LRRC4: variants seen among roughly 807,000 people sequenced by gnomAD.
LRRC4 encodes leucine rich repeat containing 4, also known as leucine-rich repeat-containing protein 4.
LRRC4 carries 11 observed loss-of-function variants against 37.9 expected under a neutral mutation model. The observed-to-expected ratio is 0.29, with a 90% CI of 0.18 to 0.48. The LOEUF (loss-of-function observed/expected upper bound fraction) is 0.48. Among genes scored for constraint, LRRC4 ranks in the 20% least tolerant of loss-of-function variants. The probability of loss-of-function intolerance (pLI) is 0.99; values close to 1 mark genes in which losing one functional copy is unlikely to be tolerated. For synonymous variants in LRRC4, 404 were observed against 346.7 expected, an observed-to-expected ratio of 1.17 and a Z score of -1.84; for missense variants, 717 against 842.1, an observed-to-expected ratio of 0.85 and a Z score of 1.84.
At position 128,030,177 on chromosome 7, in the gene LRRC4, C is replaced by T. The variant is rs1173588157; in HGVS notation, c.464G>A (p.Arg155His). Residue 155 changes from arginine to histidine, a missense_variant, in exon 2 of 2, where the codon CGC becomes CAC. By Grantham distance (29) the Arg-to-His change is conservative. Transcript: ENST00000249363. ...GGGGATGCTTTCGATGGGGTTGTTG[C>T]GAAGCCAGAGCTCCCGCAGCTTGGA... is the stretch of plus-strand genomic sequence containing the variant. The part of the protein sequence containing the change: ...YLSKLRELWL[R>H]NNPIESIPSY... The T allele has an allele frequency of 6.2e-7, 1 of 1,614,088 alleles. No individual in the cohort carries two copies.
rs1159016674 is a variant in LRRC4, at chr7:128,027,140, GT to G, written c.*1538del. On this transcript the variant is annotated 3_prime_UTR_variant, in exon 2 of 2. Coordinates refer to ENST00000249363, the MANE Select transcript of LRRC4 (RefSeq NM_022143.5). ...CTCACATTACAATCAGTGTTCTTTT[GT>G]TGGCAATTCCCCTCCCCCACCCATA... The G allele has an allele frequency of 2.0e-5, 3 of 152,500 alleles. No homozygotes were observed. Among genetic ancestry groups the G allele is most frequent in the African/African-American group, 7.2e-5 (3 of 41,406 alleles). The allele number at this position is 152,500 out of a possible 1,614,324, so 9.4% of individuals were successfully genotyped here.
rs1329983747 is a variant in LRRC4 at position 128,030,878 on chromosome 7, C to T, written c.-101+35G>A. 2 of 473,096 alleles carry T rather than the reference C, an allele frequency of 4.2e-6. 1 individual carries two copies. Among genetic ancestry groups the T allele is most frequent in the South Asian group, 7.1e-5 (2 of 28,144 alleles). 29.3% of individuals were successfully genotyped at this position (473,096 alleles called of 1,614,324 possible). On this transcript the variant is annotated intron_variant, in intron 1 of 1. Transcript: ENST00000249363. ...CTCCGAAAGCTACGACTCTCCCACACTGCAACCGTCCCCACCCAGTTCGCC... is the reference window on the plus strand; with the variant it reads ...CTCCGAAAGCTACGACTCTCCCACATTGCAACCGTCCCCACCCAGTTCGCC...
upstream of LRRC4, chr7:128,031,654 C>T (rs866869691): frequency 6.8e-6 from 1 of 147,140 alleles, no homozygotes; most frequent in African/African-American, 2.4e-5. Flanking sequence ...ACCCGGTCCG[C>T]CGGCCGGAGG....
chr7:128,029,118 G>A lies in LRRC4; in HGVS notation c.1523C>T (p.Ala508Val), dbSNP rs758876125. The A allele has an allele frequency of 9.1e-5, 147 of 1,614,002 alleles. No homozygotes were observed. Among genetic ancestry groups the A allele is most frequent in the Non-Finnish European group, 1.1e-4 (134 of 1,180,046 alleles). Residue 508 changes from alanine to valine, a missense_variant, in exon 2 of 2, where the codon GCG becomes GTG. Physicochemically the swap from Ala to Val is moderately conservative, Grantham distance 64 (BLOSUM62 0). Coordinates refer to ENST00000249363, the MANE Select transcript of LRRC4 (RefSeq NM_022143.5). The surrounding 1 kb of genome is among the most constrained non-coding windows in gnomAD (Gnocchi z 4.2). ...TRVPKQVAVPATDTTDKMQTS... is the reference protein window; with the variant it reads ...TRVPKQVAVPVTDTTDKMQTS... ...CTGCATCTTGTCAGTGGTGTCTGTCGCGGGTACTGCCACCTGCTTGGGCAC... is the reference window on the plus strand; with the variant it reads ...CTGCATCTTGTCAGTGGTGTCTGTCACGGGTACTGCCACCTGCTTGGGCAC...
In LRRC4 at chr7:128,029,228, T is replaced by A; in HGVS notation, c.1413A>T (p.Arg471=). ...ACGTGGTAGGAACAGGCTTGTACTT[T>A]CGCGTTGTGTCCTCAGGCGAGATCT... ...TTEISPEDTT[R]KYKPVPTTST... is the part of the protein sequence containing the mutation. Residue 471 remains arginine (R), a synonymous_variant, in exon 2 of 2, where the codon CGA becomes CGT. Transcript: ENST00000249363. The surrounding 1 kb of genome is among the most constrained non-coding windows in gnomAD (Gnocchi z 4.2). 1 of 1,614,106 alleles carries A rather than the reference T, an allele frequency of 6.2e-7. No individual in the cohort carries two copies. Among genetic ancestry groups the A allele is most frequent in the Non-Finnish European group, 8.5e-7 (1 of 1,180,030 alleles).
At position 128,031,213 on chromosome 7, in the gene LRRC4, C is replaced by T. The variant is rs111614365; in HGVS notation, c.-401G>A. On this transcript the variant is annotated 5_prime_UTR_variant, in exon 1 of 2. The change creates a new upstream start codon in the 5' untranslated region. Coordinates refer to ENST00000249363, the MANE Select transcript of LRRC4 (RefSeq NM_022143.5). ...CCCCTCCGCCCAAGGAGCGGCGCCA[C>T]CAGCGCTTCCCGGCTTTGTCCTTGG... is the stretch of plus-strand genomic sequence containing the variant. 809 of 152,422 alleles carry T rather than the reference C, an allele frequency of 5.3e-3. 5 individuals carry two copies. The highest frequency in any genetic ancestry group is 0.011 in the Admixed American group (161 of 15,308). 9.4% of individuals were successfully genotyped at this position (152,422 alleles called of 1,614,324 possible). A position where few individuals can be genotyped will look rare whatever the true frequency, so the allele number is the denominator to read the frequency against.
In LRRC4 at chr7:128,028,901, G is replaced by A. The variant is rs773282663; in HGVS notation, c.1740C>T (p.Ser580=). 12 of 1,613,282 alleles carry A rather than the reference G, an allele frequency of 7.4e-6. No individual in the cohort carries two copies. In the Admixed American group the frequency reaches 8.3e-5, roughly 11 times the overall value. ...CGGACGGAGCTGCTGTTGCTGCTGC[G>A]GATGTTGCTGCTGGGATGTCTTCGT... ...QVDEDIPAAT[S]AAATAAPSGV... The change falls in exon 2 of 2, where the codon TCC becomes TCT. Residue 580 remains serine, a synonymous_variant. Transcript: ENST00000249363.
rs982148543 is a variant in LRRC4, at chr7:128,028,601, T to C, written c.*78A>G. The C allele has an allele frequency of 3.7e-6, 5 of 1,346,192 alleles. No homozygotes were observed. The Admixed American group carries it at 1.1e-4, about 30-fold the overall frequency. 83.4% of individuals were successfully genotyped at this position (1,346,192 alleles called of 1,614,324 possible). ...ATATATAAGCATATACAAGAAAAAG[T>C]CTCTCCCCACTCTGTACAAAAGTTG... On this transcript the variant is annotated 3_prime_UTR_variant, in exon 2 of 2. Transcript: ENST00000249363.
Position 128,030,577 on chromosome 7 carries a change from C to G in LRRC4, c.64G>C (p.Val22Leu). The G allele has an allele frequency of 6.2e-7, 1 of 1,606,224 alleles. No homozygotes were observed. The highest frequency in any genetic ancestry group is 8.5e-7 in the Non-Finnish European group (1 of 1,174,790). Residue 22 changes from valine (V) to leucine (L), a missense_variant, in exon 2 of 2, where the codon GTC (valine) becomes CTC (leucine). Transcript: ENST00000249363. Reference protein sequence around the residue: ...HTWNAILLPFVYLTAQVWILC... With the variant: ...HTWNAILLPFLYLTAQVWILC... Reference sequence around the variant, plus strand: ...ATCCACACTTGCGCCGTGAGGTAGACGAACGGGAGCAGGATGGCATTCCAG... The same window carrying G: ...ATCCACACTTGCGCCGTGAGGTAGAGGAACGGGAGCAGGATGGCATTCCAG...
chr7:128,028,501 G>T lies in LRRC4; in HGVS notation c.*178C>A. 5 of 595,340 alleles carry T rather than the reference G, an allele frequency of 8.4e-6. No homozygotes were observed. The highest frequency in any genetic ancestry group is 3.2e-5 in the East Asian group (1 of 31,628). The allele number at this position is 595,340 out of a possible 1,614,324, so 36.9% of individuals were successfully genotyped here. A position where few individuals can be genotyped will look rare whatever the true frequency, so the allele number is the denominator to read the frequency against. On this transcript the variant is annotated 3_prime_UTR_variant, in exon 2 of 2. Coordinates refer to ENST00000249363, the MANE Select transcript of LRRC4 (RefSeq NM_022143.5). Reference sequence around the variant, plus strand: ...CCCTTTAAATAGAACTTACAAGTTAGAAAATATTTTTGTTTTGACTTTTTG... The same window carrying T: ...CCCTTTAAATAGAACTTACAAGTTATAAAATATTTTTGTTTTGACTTTTTG...
Position 128,029,166 on chromosome 7 carries a change from G to T in LRRC4, c.1475C>A (p.Thr492Lys). ...CACACGGGTAGTCTGAATGAGCACC[G>T]TGGTAGAGGTGGTATATGCCGGCTG... is the stretch of plus-strand genomic sequence containing the variant. ...GYQPAYTTST[T>K]VLIQTTRVPK... Residue 492 changes from threonine to lysine, a missense_variant, in exon 2 of 2, where the codon ACG (threonine) becomes AAG (lysine). Thr to Lys is a moderately conservative substitution (Grantham distance 78). Around this residue, in one of 5 missense-constraint regions of LRRC4, gnomAD observed 293 missense variants for 268.3 expected, o/e 1.09. Transcript: ENST00000249363. The surrounding 1 kb of genome is among the most constrained non-coding windows in gnomAD (Gnocchi z 4.2). 2 of 1,614,116 alleles carry T rather than the reference G, an allele frequency of 1.2e-6. No individual in the cohort carries two copies.
At position 128,030,702 on chromosome 7, in the gene LRRC4, C is replaced by A; in HGVS notation, c.-62G>T. The A allele has an allele frequency of 1.3e-6, 2 of 1,512,330 alleles. No homozygotes were observed. The highest frequency in any genetic ancestry group is 1.8e-6 in the Non-Finnish European group (2 of 1,127,872). 93.7% of individuals were successfully genotyped at this position (1,512,330 alleles called of 1,614,324 possible). A position where few individuals can be genotyped will look rare whatever the true frequency, so the allele number is the denominator to read the frequency against. ...TTTGGCTCGGAAAGGAGAACCAGCC[C>A]TACCCCGGCTTAAGTGAGCTAGGAG... On this transcript the variant is annotated 5_prime_UTR_variant, in exon 2 of 2. The change creates a new upstream start codon in the 5' untranslated region. Coordinates refer to ENST00000249363, the MANE Select transcript of LRRC4 (RefSeq NM_022143.5).
At position 128,027,402 on chromosome 7, in the gene LRRC4, A is replaced by G. The variant is rs1563092913; in HGVS notation, c.*1277T>C. On this transcript the variant is annotated 3_prime_UTR_variant, in exon 2 of 2. Transcript: ENST00000249363. ...CATGTGTGCATGCGTGTCACTTGTA[A>G]CTGTGGATCTCACAGCTTTTTTGTG... 6.6e-6 allele frequency: 1 copy of G among 152,524 alleles called. No individual in the cohort carries two copies. The highest frequency in any genetic ancestry group is 2.4e-5 in the African/African-American group (1 of 41,382). 9.4% of individuals were successfully genotyped at this position (152,524 alleles called of 1,614,324 possible).
In LRRC4 at chr7:128,029,298, G is replaced by A; in HGVS notation, c.1343C>T (p.Thr448Ile). Residue 448 changes from threonine to isoleucine, a missense_variant, in exon 2 of 2, where the codon ACC becomes ATC. Physicochemically the swap from Thr to Ile is moderately conservative, Grantham distance 89. Around this residue, in one of 5 missense-constraint regions of LRRC4, gnomAD observed 293 missense variants for 268.3 expected, o/e 1.09. Transcript: ENST00000249363. This position sits in a 1 kb window ranked among gnomAD's most constrained non-coding sequence, Gnocchi z 4.2. ...TGTGGTGAAGAAGCTGTAGTTGGAG[G>A]TGTTAAGCTCAGCCGTGCTCACATT... The part of the protein sequence containing the change: ...YLNVSTAELN[T>I]SNYSFFTTVT... 4 of 1,614,184 alleles carry A rather than the reference G, an allele frequency of 2.5e-6. No individual in the cohort carries two copies. The highest frequency in any genetic ancestry group is 1.7e-5 in the Admixed American group (1 of 60,028).
Position 128,029,554 on chromosome 7 carries a change from T to C in LRRC4, c.1087A>G (p.Asn363Asp). 1 of 1,614,012 alleles carries C rather than the reference T, an allele frequency of 6.2e-7. No individual in the cohort carries two copies. Among genetic ancestry groups the C allele is most frequent in the African/African-American group, 1.3e-5 (1 of 74,986 alleles). The change falls in exon 2 of 2, where the codon AAC becomes GAC. Residue 363 changes from asparagine to aspartate, a missense_variant. Transcript: ENST00000249363. The surrounding 1 kb of genome is among the most constrained non-coding windows in gnomAD (Gnocchi z 4.2). ...TCTGCCATCCGACCCTCAGAAATGT[T>C]GAGGTCTCGAGGTGCGTCCATGATG... ...PFIMDAPRDL[N>D]ISEGRMAELK...
At chr7:128,031,804 C>G (rs1372158607), upstream of LRRC4, among the ~76,000 whole-genome samples, 1 of 148,280 alleles carries the variant, frequency 6.7e-6, no homozygotes, top group Non-Finnish European at 1.5e-5. Context: ...GCCCGGCCCC[C>G]GGCGCGCCGC....
In LRRC4 at chr7:128,029,529, T is replaced by G. The variant is rs1480408820; in HGVS notation, c.1112A>C (p.Glu371Ala). 6.2e-7 allele frequency: 1 copy of G among 1,614,042 alleles called. No homozygotes were observed. The highest frequency in any genetic ancestry group is 1.1e-5 in the South Asian group (1 of 91,082). ...CATAGGGGGAGTCCGACACTTAAGT[T>G]CTGCCATCCGACCCTCAGAAATGTT... ...DLNISEGRMA[E>A]LKCRTPPMSS... The change falls in exon 2 of 2, where the codon GAA (glutamate) becomes GCA (alanine). Residue 371 changes from glutamate (E) to alanine (A), a missense_variant. Physicochemically the swap from Glu to Ala is moderately radical, Grantham distance 107. Transcript: ENST00000249363. This position sits in a 1 kb window ranked among gnomAD's most constrained non-coding sequence, Gnocchi z 4.2.
rs1792549311 is a variant in LRRC4 at position 128,030,489 on chromosome 7, G to A, written c.152C>T (p.Ser51Leu). Residue 51 changes from serine (S) to leucine (L), a missense_variant, in exon 2 of 2, where the codon TCG (serine) becomes TTG (leucine). Ser to Leu is a moderately radical substitution (Grantham distance 145, BLOSUM62 -2). Coordinates refer to ENST00000249363, the MANE Select transcript of LRRC4 (RefSeq NM_022143.5). ...AGPQNCPSVC[S>L]CSNQFSKVVC... ...CACCTTGCTGAACTGGTTACTGCAC[G>A]AGCAGACGGAGGGGCAGTTCTGGGG... 32 of 1,613,472 alleles carry A rather than the reference G, an allele frequency of 2.0e-5. No individual in the cohort carries two copies. The East Asian group carries it at 5.6e-4, about 28-fold the overall frequency.
rs1254304669 is a variant in LRRC4 at position 128,029,158 on chromosome 7, T to C, written c.1483A>G (p.Ile495Val). The C allele has an allele frequency of 3.7e-6, 6 of 1,613,994 alleles. No homozygotes were observed. In the African/African-American group the frequency reaches 8.0e-5, roughly 22 times the overall value. Reference protein sequence around the residue: ...PAYTTSTTVLIQTTRVPKQVA... With the variant: ...PAYTTSTTVLVQTTRVPKQVA... ...TGCTTGGGCACACGGGTAGTCTGAATGAGCACCGTGGTAGAGGTGGTATAT... is the reference window on the plus strand; with the variant it reads ...TGCTTGGGCACACGGGTAGTCTGAACGAGCACCGTGGTAGAGGTGGTATAT... Residue 495 changes from isoleucine (I) to valine (V), a missense_variant, in exon 2 of 2, where the codon ATT (isoleucine) becomes GTT (valine). Ile to Val is a conservative substitution (Grantham distance 29, BLOSUM62 3). This residue lies in a region of LRRC4 where 293 missense variants were observed against 268.3 expected (regional missense o/e 1.09). Transcript: ENST00000249363. This position sits in a 1 kb window ranked among gnomAD's most constrained non-coding sequence, Gnocchi z 4.2.
Sources: allele counts gnomAD v4.1 joint callset (sites outside exome capture counted in the v4.1 genomes callset), GRCh38; gene constraint gnomAD v4.1.1; regional missense constraint gnomAD v4.1.1; non-coding constraint Gnocchi (gnomAD v3.1); transcripts MANE v1.5; gene names NCBI Gene and HGNC (gene_info 2026-07-23, HGNC 2026-07-21).